Variants in CDC37L1 observed in about 807,000 individuals in gnomAD.
CDC37L1 encodes the protein hsp90 co-chaperone Cdc37-like 1.
A neutral mutation model predicts 45.9 loss-of-function variants in CDC37L1; 32 were observed. The ratio of observed to expected loss-of-function variants is 0.70; its 90% CI spans 0.53 to 0.94. CDC37L1 has a LOEUF of 0.94. CDC37L1 is among the 40% of genes least tolerant of loss of function. The pLI is 0.00. For synonymous variants in CDC37L1, 150 were observed against 133.0 expected, an observed-to-expected ratio of 1.13 and a Z score of -0.88; for missense variants, 434 against 405.7, an observed-to-expected ratio of 1.07 and a Z score of -0.60.
intron 3 of CDC37L1, among the ~76,000 whole-genome samples, chr9:4,689,448 C>T (rs553675572): frequency 7.3e-4 from 110 of 151,572 alleles, no homozygotes; most frequent in Non-Finnish European, 1.4e-3. Flanking sequence ...ATTTACCCAA[C>T]GTTTTTTGAA....
Position 4,679,703 on chromosome 9 carries a change from G to T in CDC37L1, c.-65G>T. On this transcript the variant is annotated 5_prime_UTR_variant, in exon 1 of 7. Transcript: ENST00000381854. ...GCTCGGCGCAGCAGGTTCCATTCAC[G>T]CCAAGTCTGTTGGCAGTGGCAGTTG... 2.7e-6 allele frequency: 4 copies of T among 1,500,954 alleles called. No homozygotes were observed. The highest frequency in any genetic ancestry group is 2.5e-5 in the South Asian group (2 of 81,120). 93.0% of individuals were successfully genotyped at this position (1,500,954 alleles called of 1,614,324 possible). A position where few individuals can be genotyped will look rare whatever the true frequency, so the allele number is the denominator to read the frequency against.
chr9:4,697,591 A>G (rs1002451496), intron 4 of CDC37L1, among the ~76,000 whole-genome samples, 166 bp from the exon 5 acceptor site: 1 of 147,438 alleles, frequency 6.8e-6, no homozygotes, highest in East Asian at 2.0e-4. Context: ...CCACATACAA[A>G]TAATAAAAAA....
At chr9:4,685,707 T>A (rs566757989) in intron 2 of CDC37L1, among the ~76,000 whole-genome samples, 1 of 152,220 alleles carries the variant, frequency 6.6e-6, no homozygotes, top group East Asian at 1.9e-4. Flanking sequence ...GAATGAAGGC[T>A]TAGACTTTTA....
chr9:4,684,355 T>C (rs1207256421), intron 1 of CDC37L1, among the ~76,000 whole-genome samples: 1 of 152,142 alleles, frequency 6.6e-6, no homozygotes, highest in African/African-American at 2.4e-5. Context: ...ATATAATCAG[T>C]TATAAATGGA....
At chr9:4,687,776 A>G (rs990455742) in intron 2 of CDC37L1, among the ~76,000 whole-genome samples, 3 of 151,348 alleles carry the variant, frequency 2.0e-5, no homozygotes, top group Non-Finnish European at 2.9e-5. Context: ...TTTATTCTCT[A>G]TGTGCTTTGA....
At chr9:4,683,038 TA>T (rs946171809) in intron 1 of CDC37L1, among the ~76,000 whole-genome samples, 6 of 143,596 alleles carry the variant, frequency 4.2e-5, no homozygotes, top group African/African-American at 1.5e-4. Context: ...TATTTATATA[TA>T]AAATATATTT....
chr9:4,694,313 C>T (rs1441764391), intron 3 of CDC37L1, among the ~76,000 whole-genome samples: 1 of 152,144 alleles, frequency 6.6e-6, no homozygotes, highest in African/African-American at 2.4e-5. Flanking sequence ...CTCCTGTGCT[C>T]AGGTGATTCT....
In CDC37L1 at chr9:4,706,313, G is replaced by T. The variant is rs1473879691; in HGVS notation, c.*201G>T. ...TTGTTTTGTTCTGAAGAGAAGAGTGGTACCATATGTTGCAGGAAGTCAAAC... is the reference window on the plus strand; with the variant it reads ...TTGTTTTGTTCTGAAGAGAAGAGTGTTACCATATGTTGCAGGAAGTCAAAC... On this transcript the variant is annotated 3_prime_UTR_variant, in exon 7 of 7. Coordinates refer to ENST00000381854, the MANE Select transcript of CDC37L1 (RefSeq NM_017913.4). 1 of 341,826 alleles carries T rather than the reference G, an allele frequency of 2.9e-6. No homozygotes were observed. The highest frequency in any genetic ancestry group is 5.4e-6 in the Non-Finnish European group (1 of 186,082). 21.2% of individuals were successfully genotyped at this position (341,826 alleles called of 1,614,324 possible). A position where few individuals can be genotyped will look rare whatever the true frequency, so the allele number is the denominator to read the frequency against.
chr9:4,695,971 A>G (rs1841343994), intron 3 of CDC37L1, among the ~76,000 whole-genome samples: 1 of 152,184 alleles, frequency 6.6e-6, no homozygotes, highest in Non-Finnish European at 1.5e-5. Context: ...TTTTTAGTAG[A>G]GACAGGGTTT....
chr9:4,701,949 G>A lies in CDC37L1; in HGVS notation c.833G>A (p.Ser278Asn). 1.3e-6 allele frequency: 2 copies of A among 1,592,358 alleles called. No individual in the cohort carries two copies. The highest frequency in any genetic ancestry group is 2.3e-5 in the South Asian group (2 of 87,674). The change falls in exon 6 of 7, where the codon AGT becomes AAT. Residue 278 changes from serine to asparagine, a missense_variant. Transcript: ENST00000381854. ...SRVRLYSQSQ[S>N]FQPMTVQNHV... ...GTAAGACTTTATTCTCAATCACAAAGTTTTCAACCTATGACAGTTCAGAAT... is the reference window on the plus strand; with the variant it reads ...GTAAGACTTTATTCTCAATCACAAAATTTTCAACCTATGACAGTTCAGAAT...
intron 3 of CDC37L1, among the ~76,000 whole-genome samples, chr9:4,691,773 G>A (rs962461573): frequency 6.6e-6 from 1 of 152,012 alleles, no homozygotes; most frequent in Non-Finnish European, 1.5e-5. Flanking sequence ...ATATATCATG[G>A]ACTATTATAA....
intron 1 of CDC37L1, 76 bp from the exon 2 acceptor site, chr9:4,684,801 A>G (rs1195756756): frequency 1.9e-6 from 2 of 1,074,490 alleles, no homozygotes; most frequent in Non-Finnish European, 2.7e-6. Flanking sequence ...AAATCCTTTG[A>G]ATTAAGAAAA....
chr9:4,705,533 T>C (rs554997361), intron 6 of CDC37L1, among the ~76,000 whole-genome samples: 10 of 152,170 alleles, frequency 6.6e-5, no homozygotes, highest in Non-Finnish European at 1.3e-4. Flanking sequence ...GTTTTAACCT[T>C]TGGGAAACCA....
chr9:4,688,123 C>T (rs148182824), intron 2 of CDC37L1, among the ~76,000 whole-genome samples: 2,944 of 152,248 alleles, frequency 0.019, 49 homozygotes, highest in Middle Eastern at 0.037. Context: ...CCTCAGCCTC[C>T]CGAGTAGCCG....
chr9:4,701,859 T>C lies in CDC37L1; in HGVS notation c.748-5T>C, dbSNP rs745445821. 3 of 1,592,112 alleles carry C rather than the reference T, an allele frequency of 1.9e-6. No individual in the cohort carries two copies. The highest frequency in any genetic ancestry group is 2.6e-6 in the Non-Finnish European group (3 of 1,172,314). On this transcript the variant is annotated splice_region_variant and splice_polypyrimidine_tract_variant and intron_variant, in intron 5 of 6. Transcript: ENST00000381854. ...AGTCTTTGTTTTTTTTTTTGTTTTT[T>C]CTAGGCAGAGGAAGAAGGTTATTTT...
At chr9:4,688,185 A>G (rs1275900549) in intron 2 of CDC37L1, among the ~76,000 whole-genome samples, 2 of 152,160 alleles carry the variant, frequency 1.3e-5, no homozygotes, top group East Asian at 3.9e-4. Flanking sequence ...TTTTTAGTAG[A>G]GACGGGGTTT....
At chr9:4,683,104 T>G (rs953493771) in intron 1 of CDC37L1, among the ~76,000 whole-genome samples, 3 of 144,088 alleles carry the variant, frequency 2.1e-5, no homozygotes, top group African/African-American at 7.6e-5. Flanking sequence ...TTTATTTTTA[T>G]ATATAAAATA....
intron 6 of CDC37L1, among the ~76,000 whole-genome samples, chr9:4,702,580 G>C (rs1215083246): frequency 6.6e-6 from 1 of 152,092 alleles, no homozygotes; most frequent in African/African-American, 2.4e-5. Context: ...TCAGTGGTTT[G>C]ATCAAGATAA....
chr9:4,686,993 GTTTC>G (rs1289381984), intron 2 of CDC37L1, among the ~76,000 whole-genome samples: 1 of 152,148 alleles, frequency 6.6e-6, no homozygotes. Context: ...AATGTCATCT[GTTTC>G]TTTTTGCTTT....
Sources: gnomAD v4.1 joint callset for allele counts (sites outside exome capture counted in the v4.1 genomes callset) on GRCh38, gnomAD v4.1.1 for gene constraint, MANE v1.5 for transcripts, NCBI Gene and HGNC (gene_info 2026-07-23, HGNC 2026-07-21) for gene names.